The following TTBK2 variants were observed in gnomAD, a reference collection of about 807,000 sequenced individuals.
TTBK2 encodes the protein tau-tubulin kinase 2.
Under a neutral mutation model 110.8 loss-of-function variants are expected in TTBK2, and 28 were observed. The observed-to-expected ratio is 0.25, with a 90% confidence interval of 0.19 to 0.35. The LOEUF is 0.35. Among genes scored for constraint, TTBK2 ranks in the 10% least tolerant of loss-of-function variants. The probability of loss-of-function intolerance (pLI) is 1.00; values close to 1 mark genes in which losing one functional copy is unlikely to be tolerated. For synonymous variants in TTBK2, 532 were observed against 527.3 expected, an observed-to-expected ratio of 1.01 and a Z score of -0.12; for missense variants, 1,369 against 1,500.3, an observed-to-expected ratio of 0.91 and a Z score of 1.45.
At chr15:42,854,362 G>C (rs1340937298) in intron 3 of TTBK2, among the ~76,000 whole-genome samples, 3 of 152,170 alleles carry the variant, frequency 2.0e-5, no homozygotes, top group Non-Finnish European at 2.9e-5. Flanking sequence ...TTGATAAAAA[G>C]ATACACTAAA....
At chr15:42,838,230 A>G (rs1304845898) in intron 4 of TTBK2, among the ~76,000 whole-genome samples, 1 of 152,006 alleles carries the variant, frequency 6.6e-6, no homozygotes, top group Non-Finnish European at 1.5e-5. Flanking sequence ...AAATAAAATA[A>G]AGAAACCAAA....
intron 1 of TTBK2, among the ~76,000 whole-genome samples, chr15:42,913,546 G>A (rs996757918): frequency 5.3e-5 from 8 of 152,060 alleles, no homozygotes; most frequent in Admixed American, 2.0e-4. Context: ...GCTGAGGCAG[G>A]AGAATGGCGT....
intron 9 of TTBK2, chr15:42,801,588 C>T (rs775444356): frequency 1.3e-6 from 1 of 777,244 alleles, no homozygotes. Context: ...TCAGCCTCAG[C>T]CTGGCTGCGG....
chr15:42,745,825 C>T lies in TTBK2; in HGVS notation c.3705G>A (p.Lys1235=), dbSNP rs2061783816. The change falls in exon 15 of 15, where the codon AAG becomes AAA. Residue 1235 remains lysine, a synonymous_variant. Transcript: ENST00000267890. ...HSASTKTPQG[K]SKPASKLSR is the part of the protein sequence containing the mutation. ...TGCTGAGTTTACTGGCTGGCTTACT[C>T]TTCCCTTGGGGGGTTTTAGTGCTGG... 1 of 1,614,176 alleles carries T rather than the reference C, an allele frequency of 6.2e-7. No individual in the cohort carries two copies. The highest frequency in any genetic ancestry group is 1.1e-5 in the South Asian group (1 of 91,082).
In TTBK2 at chr15:42,868,163, TAGAG is replaced by T. The variant is rs149108933; in HGVS notation, c.217+4444_217+4447del. On this transcript the variant is annotated intron_variant, in intron 3 of 14. Coordinates refer to ENST00000267890, the MANE Select transcript of TTBK2 (RefSeq NM_173500.4). ...CAGAGGATTTTTAGGGCAGTAAAAA[TAGAG>T]AGAGATGGTTCCTGACATACGATGG... is the stretch of plus-strand genomic sequence containing the variant. Among the ~76,000 whole-genome samples, 206 of 152,212 alleles carry T rather than the reference TAGAG, an allele frequency of 1.4e-3. 3 individuals carry two copies. The East Asian group carries it at 0.03, about 22-fold the overall frequency.
intron 1 of TTBK2, among the ~76,000 whole-genome samples, chr15:42,909,567 G>T (rs1198048223): frequency 2.0e-5 from 3 of 152,092 alleles, no homozygotes; most frequent in Non-Finnish European, 4.4e-5. Flanking sequence ...ATATTCATGT[G>T]CTGGGGATTA....
chr15:42,815,663 A>C (rs950669825), intron 7 of TTBK2, among the ~76,000 whole-genome samples: 10 of 151,546 alleles, frequency 6.6e-5, no homozygotes, highest in Admixed American at 4.0e-4. Flanking sequence ...TTACTAAAAC[A>C]AACATTTTAA....
rs560949060 is a variant in TTBK2 at position 42,889,134 on chromosome 15, C to T, written c.-67-10450G>A. On this transcript the variant is annotated intron_variant, in intron 1 of 14. Coordinates refer to ENST00000267890, the MANE Select transcript of TTBK2 (RefSeq NM_173500.4). ...AAATCTATCCTCAAGGAAATCACTT[C>T]TCAGTGTTCCATCTGCTATTCTACT... 7.1e-4 allele frequency among the ~76,000 whole-genome samples: 108 copies of T among 152,286 alleles called. 2 individuals are homozygous for T. In the South Asian group the frequency reaches 0.022, roughly 32 times the overall value.
At chr15:42,802,946 C>A (rs1329897390) in intron 9 of TTBK2, among the ~76,000 whole-genome samples, 1 of 152,230 alleles carries the variant, frequency 6.6e-6, no homozygotes, top group Non-Finnish European at 1.5e-5. Flanking sequence ...TCCCAGCCTA[C>A]ATCTTTCTCT....
At chr15:42,886,015 G>A (rs988892296) in intron 1 of TTBK2, among the ~76,000 whole-genome samples, 5 of 152,132 alleles carry the variant, frequency 3.3e-5, no homozygotes, top group Admixed American at 1.3e-4. Flanking sequence ...GGTCTGAGGT[G>A]CCTGACGTCC....
intron 13 of TTBK2, among the ~76,000 whole-genome samples, chr15:42,773,706 AG>A (rs1464336293): frequency 6.6e-6 from 1 of 152,212 alleles, no homozygotes; most frequent in Non-Finnish European, 1.5e-5. Context: ...CTAGAGCAAA[AG>A]TTAGTACACA....
chr15:42,780,806 G>A (rs896949287), intron 11 of TTBK2, among the ~76,000 whole-genome samples: 4 of 151,908 alleles, frequency 2.6e-5, no homozygotes, highest in Non-Finnish European at 5.9e-5. Context: ...TCTACTAAAA[G>A]TACAAAAATT....
intron 1 of TTBK2, among the ~76,000 whole-genome samples, chr15:42,913,981 C>CT (rs201187297): frequency 0.031 from 4,501 of 143,594 alleles, 113 homozygotes; most frequent in Non-Finnish European, 0.043. Context: ...TATTAACTTC[C>CT]TTTTTTTTTT....
At chr15:42,863,373 G>A (rs1445092647) in intron 3 of TTBK2, among the ~76,000 whole-genome samples, 1 of 152,038 alleles carries the variant, frequency 6.6e-6, no homozygotes, top group Non-Finnish European at 1.5e-5. Flanking sequence ...TAAGCCAGGA[G>A]GTAAAAGATC....
chr15:42,771,803 C>T (rs901416360), intron 13 of TTBK2, among the ~76,000 whole-genome samples: 1 of 152,126 alleles, frequency 6.6e-6, no homozygotes, highest in African/African-American at 2.4e-5. Context: ...TGGCAATGCC[C>T]TGGTGTAGGG....
intron 1 of TTBK2, among the ~76,000 whole-genome samples, chr15:42,917,352 T>C (rs1328617139): frequency 6.6e-6 from 1 of 152,106 alleles, no homozygotes; most frequent in Non-Finnish European, 1.5e-5. Flanking sequence ...AAGAAGGCTA[T>C]TTAAAAATAA....
intron 7 of TTBK2, among the ~76,000 whole-genome samples, chr15:42,812,202 C>A (rs1466091317): frequency 6.6e-6 from 1 of 152,138 alleles, no homozygotes; most frequent in East Asian, 1.9e-4. Flanking sequence ...AGGCCTTGGG[C>A]CTACATAGGA....
chr15:42,769,900 A>G (rs1889584836), intron 13 of TTBK2, among the ~76,000 whole-genome samples: 1 of 152,204 alleles, frequency 6.6e-6, no homozygotes, highest in Non-Finnish European at 1.5e-5. Flanking sequence ...TGGCACATAT[A>G]CACCACGGAA....
chr15:42,777,342 T>C, intron 11 of TTBK2, 100 bp from the exon 12 acceptor site: 1 of 1,258,206 alleles, frequency 7.9e-7, no homozygotes, highest in Non-Finnish European at 1.1e-6. Flanking sequence ...AATGATTAGA[T>C]GTGTTTTCAG....
Sources: allele counts gnomAD v4.1 joint callset (sites outside exome capture counted in the v4.1 genomes callset), GRCh38; gene constraint gnomAD v4.1.1; transcripts MANE v1.5; gene names NCBI Gene and HGNC (gene_info 2026-07-23, HGNC 2026-07-21).